The following IFT52 variants were observed in gnomAD, a reference collection of about 807,000 sequenced individuals.
IFT52 encodes intraflagellar transport 52.
A neutral mutation model predicts 54.4 loss-of-function variants in IFT52; 44 were observed. The observed-to-expected ratio is 0.81, with a 90% CI of 0.63 to 1.04. The LOEUF (loss-of-function observed/expected upper bound fraction) is 1.04. IFT52 is among the 50% of genes least tolerant of loss of function. The pLI is 0.00. For missense variants in IFT52, 452 were observed against 523.6 expected, an observed-to-expected ratio of 0.86 and a Z score of 1.33; for synonymous variants, 181 against 185.3, an observed-to-expected ratio of 0.98 and a Z score of 0.19.
At chr20:43,646,843 A>T (rs1986232892) in intron 13 of IFT52, 93 bp from the exon 14 acceptor site, 2 of 1,051,440 alleles carry the variant, frequency 1.9e-6, no homozygotes, top group Admixed American at 1.8e-5. Context: ...ATTAATAAAG[A>T]TTCAGAATCT....
intron 12 of IFT52, among the ~76,000 whole-genome samples, chr20:43,639,682 T>G (rs1186156107): frequency 2.6e-5 from 4 of 151,272 alleles, no homozygotes; most frequent in Non-Finnish European, 5.9e-5. Context: ...AAAAAAAAAT[T>G]TTTTTAAGTA....
chr20:43,604,695 TTTGTG>T (rs1982720380), intron 5 of IFT52, among the ~76,000 whole-genome samples: 1 of 152,216 alleles, frequency 6.6e-6, no homozygotes, highest in African/African-American at 2.4e-5. Context: ...GCCTTTTTGT[TTTGTG>T]TTATTATAAT....
chr20:43,629,977 G>A (rs1028248804), intron 10 of IFT52, among the ~76,000 whole-genome samples: 1 of 152,132 alleles, frequency 6.6e-6, no homozygotes, highest in African/African-American at 2.4e-5. Context: ...TCTGAATCTT[G>A]GAAGAAATTA....
intron 6 of IFT52, among the ~76,000 whole-genome samples, chr20:43,612,433 T>G (rs1217624244): frequency 6.6e-6 from 1 of 151,928 alleles, no homozygotes; most frequent in Non-Finnish European, 1.5e-5. Context: ...TGGTTTATGC[T>G]TGTAATTCCA....
Position 43,604,260 on chromosome 20 carries a change from TA to T in IFT52, c.413+4del. 6.2e-7 allele frequency: 1 copy of T among 1,602,188 alleles called. No homozygotes were observed. The highest frequency in any genetic ancestry group is 1.3e-5 in the African/African-American group (1 of 74,758). ...AGTTTCCAGTGGAGTCTTGAACAGG[TA>T]AGCATGTTGAAAGCAGAAATATCTT... is the stretch of plus-strand genomic sequence containing the variant. On this transcript the variant is annotated splice_donor_region_variant and intron_variant, in intron 5 of 13. Coordinates refer to ENST00000373030, the MANE Select transcript of IFT52 (RefSeq NM_016004.5).
chr20:43,605,672 A>C (rs1391471833), intron 6 of IFT52, among the ~76,000 whole-genome samples: 1 of 151,940 alleles, frequency 6.6e-6, no homozygotes, highest in Non-Finnish European at 1.5e-5. Context: ...TATCTAACCA[A>C]CTCCCTATTA....
chr20:43,600,943 G>A (rs558608780), intron 3 of IFT52, among the ~76,000 whole-genome samples: 8 of 152,174 alleles, frequency 5.3e-5, no homozygotes, highest in African/African-American at 1.7e-4. Context: ...TGCAGCATGG[G>A]TGACAGAGCA....
intron 3 of IFT52, among the ~76,000 whole-genome samples, chr20:43,603,196 C>T (rs1033503116): frequency 2.0e-5 from 3 of 152,052 alleles, no homozygotes; most frequent in African/African-American, 7.2e-5. Flanking sequence ...GAGAGAGCTT[C>T]CAGGAGATAA....
chr20:43,628,430 C>T (rs1383659397), intron 10 of IFT52, among the ~76,000 whole-genome samples: 1 of 152,158 alleles, frequency 6.6e-6, no homozygotes, highest in Non-Finnish European at 1.5e-5. Flanking sequence ...GGAAAATCGC[C>T]TACTCAAGCA....
chr20:43,627,169 A>AG lies in IFT52; in HGVS notation c.923+3124_923+3125insG, dbSNP rs1338972616. On this transcript the variant is annotated intron_variant, in intron 10 of 13. Coordinates refer to ENST00000373030, the MANE Select transcript of IFT52 (RefSeq NM_016004.5). ...GCAACAGAGCAAGACTCCATCTCAG[A>AG]AAAAAAAAAAAAGAAAGGAAGAAAT... 1.7e-3 allele frequency among the ~76,000 whole-genome samples: 255 copies of AG among 146,728 alleles called. 2 individuals are homozygous for AG. Among genetic ancestry groups the AG allele is most frequent in the Admixed American group, 0.014 (206 of 14,628 alleles).
chr20:43,635,819 A>G, intron 10 of IFT52, 107 bp from the exon 11 acceptor site: 1 of 926,564 alleles, frequency 1.1e-6, no homozygotes, highest in Non-Finnish European at 1.7e-6. Flanking sequence ...ATTTCTAAAA[A>G]TAGTACTGAA....
intron 10 of IFT52, among the ~76,000 whole-genome samples, chr20:43,631,666 T>C (rs1600505834): frequency 6.6e-6 from 1 of 152,142 alleles, no homozygotes; most frequent in Non-Finnish European, 1.5e-5. Flanking sequence ...GAAGCCACAA[T>C]AGAAAAATAA....
chr20:43,646,745 C>T (rs1166129302), intron 13 of IFT52, among the ~76,000 whole-genome samples, 191 bp from the exon 14 acceptor site: 1 of 152,158 alleles, frequency 6.6e-6, no homozygotes, highest in Non-Finnish European at 1.5e-5. Context: ...GCAGTGGTCA[C>T]AAGCCCTGCC....
intron 10 of IFT52, among the ~76,000 whole-genome samples, chr20:43,626,622 C>T (rs77705471): frequency 0.011 from 1,665 of 151,098 alleles, 22 homozygotes; most frequent in African/African-American, 0.03. Flanking sequence ...TCCTTTTTTT[C>T]TGTTTTTCAG....
intron 3 of IFT52, 109 bp from the exon 4 acceptor site, chr20:43,603,651 C>A: frequency 2.1e-6 from 2 of 955,954 alleles, no homozygotes; most frequent in Non-Finnish European, 1.6e-6. Flanking sequence ...TATGTAAATG[C>A]CTTATAGATT....
intron 10 of IFT52, among the ~76,000 whole-genome samples, chr20:43,633,711 AAAAT>A (rs1985337271): frequency 6.6e-6 from 1 of 151,184 alleles, no homozygotes; most frequent in African/African-American, 2.4e-5. Context: ...CTGTCTCAAA[AAAAT>A]AAATAAATAA....
intron 8 of IFT52, 112 bp from the exon 9 acceptor site, chr20:43,620,745 T>C (rs1453778167): frequency 2.9e-5 from 22 of 753,806 alleles, no homozygotes; most frequent in Non-Finnish European, 4.3e-5. Context: ...TCTGAATCAC[T>C]GGTTTAATCT....
intron 10 of IFT52, among the ~76,000 whole-genome samples, chr20:43,628,220 C>T (rs565190958): frequency 2.0e-5 from 3 of 148,098 alleles, no homozygotes; most frequent in South Asian, 4.2e-4. Context: ...TGAGCCACCA[C>T]GCCCAGCCCA....
At chr20:43,633,343 CA>C (rs745947292) in intron 10 of IFT52, among the ~76,000 whole-genome samples, 67 of 143,178 alleles carry the variant, frequency 4.7e-4, no homozygotes, top group Non-Finnish European at 8.0e-4. Flanking sequence ...AACTCCGTCT[CA>C]AAAAAAAAAG....
Sources: gnomAD v4.1 joint callset for allele counts (sites outside exome capture counted in the v4.1 genomes callset) on GRCh38, gnomAD v4.1.1 for gene constraint, MANE v1.5 for transcripts, NCBI Gene and HGNC (gene_info 2026-07-23, HGNC 2026-07-21) for gene names.